CNTNAP2: variants seen among roughly 807,000 people sequenced by gnomAD.
CNTNAP2 encodes contactin-associated protein-like 2.
In CNTNAP2, 98 loss-of-function variants were observed where a neutral mutation model predicts 155.2. The observed-to-expected ratio is 0.63, with a 90% CI of 0.54 to 0.75. CNTNAP2 has a LOEUF of 0.75. CNTNAP2 is among the 30% of genes least tolerant of loss of function. CNTNAP2 has a pLI of 0.00. For missense variants in CNTNAP2, 1,727 were observed against 1,688.1 expected, an observed-to-expected ratio of 1.02 and a Z score of -0.40; for synonymous variants, 651 against 631.2, an observed-to-expected ratio of 1.03 and a Z score of -0.47.
chr7:146,507,525 G>T (rs1797402793), intron 1 of CNTNAP2, among the ~76,000 whole-genome samples: 1 of 152,170 alleles, frequency 6.6e-6, no homozygotes, highest in African/African-American at 2.4e-5. Flanking sequence ...GAGCACAAAT[G>T]CTTTCCAATA....
At chr7:146,876,339 G>A (rs951283707) in intron 3 of CNTNAP2, among the ~76,000 whole-genome samples, 1 of 151,874 alleles carries the variant, frequency 6.6e-6, no homozygotes, top group African/African-American at 2.4e-5. Context: ...GAATCAGGTC[G>A]GATTTCATAT....
intron 3 of CNTNAP2, among the ~76,000 whole-genome samples, chr7:146,891,848 A>AT (rs541821817): frequency 4.7e-4 from 72 of 152,136 alleles, no homozygotes; most frequent in African/African-American, 1.7e-3. Flanking sequence ...AATGGTATCC[A>AT]TTTTTTTATT....
At chr7:146,571,293 A>G (rs1337273364) in intron 1 of CNTNAP2, among the ~76,000 whole-genome samples, 7 of 152,126 alleles carry the variant, frequency 4.6e-5, no homozygotes, top group African/African-American at 1.2e-4. Flanking sequence ...CTCTGCTCAG[A>G]TACAGGGAAC....
intron 10 of CNTNAP2, among the ~76,000 whole-genome samples, chr7:147,399,051 C>T (rs1796869523): frequency 6.6e-6 from 1 of 151,940 alleles, no homozygotes; most frequent in Admixed American, 6.6e-5. Flanking sequence ...ACTGAATGTA[C>T]TAATGCAGGG....
intron 3 of CNTNAP2, among the ~76,000 whole-genome samples, chr7:146,928,388 G>A (rs372371781): frequency 3.2e-4 from 49 of 152,216 alleles, no homozygotes; most frequent in African/African-American, 9.9e-4. Flanking sequence ...AATGTTGGTC[G>A]TTCTGGGTGA....
intron 3 of CNTNAP2, among the ~76,000 whole-genome samples, chr7:146,970,618 G>A (rs1312089097): frequency 6.6e-6 from 1 of 151,868 alleles, no homozygotes; most frequent in Admixed American, 6.6e-5. Context: ...TGGTGGGACT[G>A]TAAACTAGTT....
chr7:147,073,244 A>T (rs1799932650), intron 4 of CNTNAP2, among the ~76,000 whole-genome samples: 1 of 150,902 alleles, frequency 6.6e-6, no homozygotes, highest in Non-Finnish European at 1.5e-5. Flanking sequence ...AAAGAATGAG[A>T]TCATGTCCTT....
At chr7:147,616,583 G>C (rs1801297949) in intron 12 of CNTNAP2, among the ~76,000 whole-genome samples, 2 of 151,822 alleles carry the variant, frequency 1.3e-5, no homozygotes, top group South Asian at 4.2e-4. Flanking sequence ...TCTTCCCATT[G>C]ATCTTCATAT....
chr7:146,952,433 A>G (rs1249507300), intron 3 of CNTNAP2, among the ~76,000 whole-genome samples: 5 of 152,148 alleles, frequency 3.3e-5, no homozygotes, highest in Non-Finnish European at 1.5e-5. Context: ...GGCCAGGGCA[A>G]TCAGGCAAGG....
intron 3 of CNTNAP2, among the ~76,000 whole-genome samples, chr7:146,986,490 A>C: frequency 6.6e-6 from 1 of 152,130 alleles, no homozygotes; most frequent in Non-Finnish European, 1.5e-5. Context: ...TTTTTCATTT[A>C]GTGACTCATT....
intron 4 of CNTNAP2, among the ~76,000 whole-genome samples, chr7:147,105,330 T>C (rs1800743422): frequency 6.6e-6 from 1 of 151,976 alleles, no homozygotes; most frequent in South Asian, 2.1e-4. Context: ...GTGGAAACAC[T>C]ATGATTTTGC....
At position 146,932,117 on chromosome 7, in the gene CNTNAP2, T is replaced by G. The variant is rs1475796538; in HGVS notation, c.402+92213T>G. Among the ~76,000 whole-genome samples the G allele has an allele frequency of 4.7e-3, 709 of 151,788 alleles. 2 individuals carry two copies. Among genetic ancestry groups the G allele is most frequent in the Admixed American group, 9.1e-3 (139 of 15,234 alleles). The stretch of plus-strand genomic sequence containing the variant: ...CCAGCATCATCCTGATACCAAAGCC[T>G]GGCAGAGACACAACCAAAAAAGAGA... On this transcript the variant is annotated intron_variant, in intron 3 of 23. Coordinates refer to ENST00000361727, the MANE Select transcript of CNTNAP2 (RefSeq NM_014141.6).
intron 3 of CNTNAP2, among the ~76,000 whole-genome samples, chr7:146,984,572 A>G (rs367894458): frequency 1.6e-4 from 24 of 152,026 alleles, no homozygotes; most frequent in African/African-American, 5.8e-4. Flanking sequence ...TAGAGAGCTA[A>G]TGTGTCCTGT....
In CNTNAP2 at chr7:146,361,428, G is replaced by A. The variant is rs142503968; in HGVS notation, c.97+244455G>A. Among the ~76,000 whole-genome samples the A allele has an allele frequency of 1.4e-3, 217 of 152,224 alleles. 1 individual carries two copies. The highest frequency in any genetic ancestry group is 5.0e-3 in the African/African-American group (207 of 41,558). The stretch of plus-strand genomic sequence containing the variant: ...TTTCTTCACTTGAATATGTGTCATA[G>A]TACATGATTTAAACTACTTTCAATT... On this transcript the variant is annotated intron_variant, in intron 1 of 23. Transcript: ENST00000361727.
chr7:147,416,867 T>A (rs1797201784), intron 10 of CNTNAP2, among the ~76,000 whole-genome samples: 1 of 152,078 alleles, frequency 6.6e-6, no homozygotes, highest in Non-Finnish European at 1.5e-5. Context: ...GGCAGGCAGA[T>A]CACCTGAGTT....
chr7:146,218,700 G>A (rs559558592), intron 1 of CNTNAP2, among the ~76,000 whole-genome samples: 28 of 152,194 alleles, frequency 1.8e-4, no homozygotes, highest in African/African-American at 5.8e-4. Flanking sequence ...CACTTCAAAT[G>A]TGGCTAATTC....
At position 146,920,485 on chromosome 7, in the gene CNTNAP2, T is replaced by C. The variant is rs150317103; in HGVS notation, c.402+80581T>C. Among the ~76,000 whole-genome samples, 1,240 of 152,078 alleles carry C rather than the reference T, an allele frequency of 8.2e-3. 18 individuals are homozygous for C. The highest frequency in any genetic ancestry group is 0.027 in the African/African-American group (1,136 of 41,496). ...CTTGATCTAATCATGCCATATTGTA[T>C]TGAAAAATAATAACATCACTTTTTG... On this transcript the variant is annotated intron_variant, in intron 3 of 23. Transcript: ENST00000361727.
intron 13 of CNTNAP2, among the ~76,000 whole-genome samples, chr7:147,691,398 A>G (rs895657218): frequency 1.1e-4 from 16 of 152,142 alleles, no homozygotes; most frequent in African/African-American, 3.9e-4. Flanking sequence ...GCTTATTTAA[A>G]GCTTCCAGCC....
chr7:148,226,757 G>C (rs1425918725), intron 19 of CNTNAP2, among the ~76,000 whole-genome samples: 2 of 152,208 alleles, frequency 1.3e-5, no homozygotes, highest in African/African-American at 4.8e-5. Context: ...GAAGAATCAG[G>C]GGAGAAGAAA....
Sources: gnomAD v4.1 joint callset for allele counts (sites outside exome capture counted in the v4.1 genomes callset) on GRCh38, gnomAD v4.1.1 for gene constraint, MANE v1.5 for transcripts, NCBI Gene and HGNC (gene_info 2026-07-23, HGNC 2026-07-21) for gene names.